Variants in SPNS1 observed in about 807,000 individuals in gnomAD.
SPNS1 encodes protein spinster homolog 1.
SPNS1 carries 22 observed loss-of-function variants against 50.3 expected under a neutral mutation model. The ratio of observed to expected loss-of-function variants is 0.44; its 90% confidence interval spans 0.31 to 0.62. The LOEUF is 0.62. Among genes scored for constraint, SPNS1 ranks in the 20% least tolerant of loss-of-function variants. SPNS1 has a pLI of 0.07. For missense variants in SPNS1, 576 were observed against 728.6 expected (o/e 0.79, Z 2.41); for synonymous variants, 295 against 317.4 (o/e 0.93, Z 0.75).
At chr16:28,976,546 C>T (rs948514027) in intron 2 of SPNS1, among the ~76,000 whole-genome samples, 1 of 152,038 alleles carries the variant, frequency 6.6e-6, no homozygotes, top group African/African-American at 2.4e-5. Context: ...TGTTACTGTT[C>T]CTATTTTATA....
rs1965563156 is a variant in SPNS1 at position 28,981,812 on chromosome 16, C to T, written c.810-89C>T. ...ACCTCTGCACGGTGTTGTGACCTTA[C>T]TAAAATAAGCCAGGAAGGGAGAAGA... On this transcript the variant is annotated intron_variant, in intron 6 of 11. Coordinates refer to ENST00000311008, the MANE Select transcript of SPNS1 (RefSeq NM_032038.3). The surrounding 1 kb of genome is among the most constrained non-coding windows in gnomAD (Gnocchi z 4.2). 3.2e-6 allele frequency: 5 copies of T among 1,566,062 alleles called. No individual in the cohort carries two copies. Among genetic ancestry groups the T allele is most frequent in the Non-Finnish European group, 4.4e-6 (5 of 1,145,846 alleles).
chr16:28,984,528 A>G lies in SPNS1; in HGVS notation c.*229A>G. Reference sequence around the variant, plus strand: ...GGCTCGGTGCTATTTGTAACGGAATAAAATTTGTAGCCAGACCCCAGGTGC... The same window carrying G: ...GGCTCGGTGCTATTTGTAACGGAATGAAATTTGTAGCCAGACCCCAGGTGC... On this transcript the variant is annotated 3_prime_UTR_variant, in exon 12 of 12. Transcript: ENST00000311008. The G allele has an allele frequency of 1.6e-6, 1 of 637,460 alleles. No individual in the cohort carries two copies. The highest frequency in any genetic ancestry group is 2.8e-6 in the Non-Finnish European group (1 of 355,660). The allele number at this position is 637,460 out of a possible 1,614,324, so 39.5% of individuals were successfully genotyped here.
intron 3 of SPNS1, among the ~76,000 whole-genome samples, 163 bp from the exon 4 acceptor site, chr16:28,978,992 G>A (rs553597431): frequency 5.9e-5 from 9 of 152,232 alleles, no homozygotes; most frequent in African/African-American, 9.6e-5. Flanking sequence ...TCCCCAAATC[G>A]CAGCTAGTAA....
chr16:28,984,065 G>A lies in SPNS1; in HGVS notation c.1492+108G>A. ...CAGCTCAGTCCACAGCCCTCCCCTT[G>A]TTTGGCCTCCAGTCTGTCTGCATCC... is the stretch of plus-strand genomic sequence containing the variant. On this transcript the variant is annotated intron_variant, in intron 11 of 11. Transcript: ENST00000311008. 4 of 1,453,234 alleles carry A rather than the reference G, an allele frequency of 2.8e-6. 1 individual carries two copies. In the South Asian group the frequency reaches 5.5e-5, roughly 20 times the overall value. 90.0% of individuals were successfully genotyped at this position (1,453,234 alleles called of 1,614,324 possible).
rs538192669 is a variant in SPNS1, at chr16:28,983,586, C to T, written c.1321-200C>T. ...GCACGATCATGGCTCACTGCAGCCT[C>T]GACCTCCTGGGCTCAAGCGATCCTC... On this transcript the variant is annotated intron_variant, in intron 10 of 11. Transcript: ENST00000311008. The surrounding 1 kb of genome is among the most constrained non-coding windows in gnomAD (Gnocchi z 5.4). Among the ~76,000 whole-genome samples the T allele has an allele frequency of 9.9e-5, 15 of 152,278 alleles. No homozygotes were observed. In the South Asian group the frequency reaches 2.9e-3, roughly 29 times the overall value.
rs748034813 is a variant in SPNS1, at chr16:28,982,504, C to G, written c.1114C>G (p.Leu372Val). 1 of 1,613,094 alleles carries G rather than the reference C, an allele frequency of 6.2e-7. No individual in the cohort carries two copies. Among genetic ancestry groups the G allele is most frequent in the South Asian group, 1.1e-5 (1 of 91,034 alleles). The change falls in exon 8 of 12, where the codon CTG becomes GTG. Residue 372 changes from leucine (L) to valine (V), a missense_variant. Transcript: ENST00000311008. The part of the protein sequence containing the change: ...GLLGSAPFLF[L>V]SLACARGSIV... ...CCTGGGCTCTGCACCCTTCCTCTTC[C>G]TGTCCCTTGCCTGCGCCCGTGGTAG...
At chr16:28,980,855 AAAACAAAC>A (rs145012111) in intron 5 of SPNS1, among the ~76,000 whole-genome samples, 15 of 151,678 alleles carry the variant, frequency 9.9e-5, no homozygotes, top group East Asian at 5.8e-4. Flanking sequence ...CTCTGTCTCG[AAAACAAAC>A]AAACAAACAA....
Position 28,982,409 on chromosome 16 carries a change from G to C in SPNS1, c.1019G>C (p.Gly340Ala). 1 of 1,612,316 alleles carries C rather than the reference G, an allele frequency of 6.2e-7. No individual in the cohort carries two copies. The highest frequency in any genetic ancestry group is 8.5e-7 in the Non-Finnish European group (1 of 1,178,962). Residue 340 changes from glycine (G) to alanine (A), a missense_variant, in exon 8 of 12, where the codon GGT (glycine) becomes GCT (alanine). Around this residue, in one of 3 missense-constraint regions of SPNS1, gnomAD observed 428 missense variants for 520.1 expected, o/e 0.82. Transcript: ENST00000311008. ...ACCGGAGTCCTGGGTGTGGGCCTGG[G>C]TGTGGAGATCAGCCGCCGGCTCCGC... is the stretch of plus-strand genomic sequence containing the variant. ...CLTGVLGVGL[G>A]VEISRRLRHS... is the part of the protein sequence containing the mutation.
At chr16:28,978,738 G>A (rs116113573) in intron 3 of SPNS1, 1,974 of 178,270 alleles carry the variant, frequency 0.011, 42 homozygotes, top group African/African-American at 0.044. Flanking sequence ...CAGGACCTAC[G>A]TACTTTCCTT....
At position 28,983,708 on chromosome 16, in the gene SPNS1, C is replaced by G. The variant is rs1258213841; in HGVS notation, c.1321-78C>G. On this transcript the variant is annotated intron_variant, in intron 10 of 11. Coordinates refer to ENST00000311008, the MANE Select transcript of SPNS1 (RefSeq NM_032038.3). The surrounding 1 kb of genome is among the most constrained non-coding windows in gnomAD (Gnocchi z 5.4). ...TCCTGGGCTCCACTTGTCTTTCTCC[C>G]TGGAGCTCAGGGGCGTGCCCTCCCT... is the stretch of plus-strand genomic sequence containing the variant. 2 of 1,460,892 alleles carry G rather than the reference C, an allele frequency of 1.4e-6. No homozygotes were observed. The highest frequency in any genetic ancestry group is 2.8e-5 in the African/African-American group (2 of 70,712). The allele number at this position is 1,460,892 out of a possible 1,614,324, so 90.5% of individuals were successfully genotyped here. A position where few individuals can be genotyped will look rare whatever the true frequency, so the allele number is the denominator to read the frequency against.
rs1377064702 is a variant in SPNS1 at position 28,982,073 on chromosome 16, A to G, written c.965+17A>G. 6.2e-6 allele frequency: 10 copies of G among 1,610,812 alleles called. No homozygotes were observed. Among genetic ancestry groups the G allele is most frequent in the South Asian group, 2.2e-5 (2 of 90,960 alleles). On this transcript the variant is annotated intron_variant, in intron 7 of 11. Transcript: ENST00000311008. The stretch of plus-strand genomic sequence containing the variant: ...CTCTGACAGGTGCCCAGATGGGGCT[A>G]TGCTGGGGGGCCTGCGGGTGGCAGG...
downstream of SPNS1, chr16:28,984,645 G>A: frequency 3.2e-6 from 2 of 621,616 alleles, no homozygotes; most frequent in South Asian, 3.8e-5. Context: ...TCAGGGCTCT[G>A]GGTGAGTCTC....
At position 28,975,102 on chromosome 16, in the gene SPNS1, T is replaced by TGGGATC; in HGVS notation, c.-48_-43dup. 1 of 1,454,990 alleles carries TGGGATC rather than the reference T, an allele frequency of 6.9e-7. No homozygotes were observed. Among genetic ancestry groups the TGGGATC allele is most frequent in the Non-Finnish European group, 9.0e-7 (1 of 1,108,076 alleles). 90.1% of individuals were successfully genotyped at this position (1,454,990 alleles called of 1,614,324 possible). ...TTCTCCAGCCTCCTCCCCTCGCAGG[T>TGGGATC]GGGATCGTCGGTGGGACCGGAGCGC... is the stretch of plus-strand genomic sequence containing the variant. On this transcript the variant is annotated 5_prime_UTR_variant, in exon 1 of 12. Transcript: ENST00000311008.
chr16:28,983,321 G>A lies in SPNS1; in HGVS notation c.1320+31G>A. 6.3e-7 allele frequency: 1 copy of A among 1,577,822 alleles called. No individual in the cohort carries two copies. The highest frequency in any genetic ancestry group is 1.1e-5 in the South Asian group (1 of 90,280). On this transcript the variant is annotated intron_variant, in intron 10 of 11. Coordinates refer to ENST00000311008, the MANE Select transcript of SPNS1 (RefSeq NM_032038.3). This position sits in a 1 kb window ranked among gnomAD's most constrained non-coding sequence, Gnocchi z 5.4. ...CATTATTTCTTGGCTGGCATGGGGT[G>A]GCTGGTGTCCTGAGCCTGGGCTGGA...
At position 28,981,190 on chromosome 16, in the gene SPNS1, A is replaced by G. The variant is rs1448638299; in HGVS notation, c.664-280A>G. Reference sequence around the variant, plus strand: ...TGGTTAACAGTCCTCTTGTTGGCCAAGCCTGGGATCCTATTTAAACCAAGT... The same window carrying G: ...TGGTTAACAGTCCTCTTGTTGGCCAGGCCTGGGATCCTATTTAAACCAAGT... On this transcript the variant is annotated intron_variant, in intron 5 of 11. Transcript: ENST00000311008. This position sits in a 1 kb window ranked among gnomAD's most constrained non-coding sequence, Gnocchi z 4.2. Among the ~76,000 whole-genome samples the G allele has an allele frequency of 6.6e-6, 1 of 152,182 alleles. No individual in the cohort carries two copies. Among genetic ancestry groups the G allele is most frequent in the Non-Finnish European group, 1.5e-5 (1 of 68,044 alleles).
Position 28,974,868 on chromosome 16 carries a change from GGGGTGGC to G in SPNS1, c.-283_-277del, listed in dbSNP as rs1315037845. On this transcript the variant is annotated 5_prime_UTR_variant, in exon 1 of 12. The change abolishes the stop of an existing upstream ORF in the 5' untranslated region. Transcript: ENST00000311008. ...TGCAGCGGGCTCCTACCCCGGGTGA[GGGGTGGC>G]CTCCGCGTGGGATCGTGCCCTCTTC... 7.8e-6 allele frequency: 12 copies of G among 1,535,126 alleles called. No individual in the cohort carries two copies. The East Asian group carries it at 2.9e-4, about 37-fold the overall frequency.
intron 2 of SPNS1, among the ~76,000 whole-genome samples, chr16:28,976,786 T>C (rs1382887952): frequency 1.3e-5 from 2 of 151,862 alleles, no homozygotes; most frequent in East Asian, 1.9e-4. Context: ...CTCTGAAGAG[T>C]TGTTGAGTTA....
At position 28,979,218 on chromosome 16, in the gene SPNS1, A is replaced by G; in HGVS notation, c.508A>G (p.Ile170Val). The change falls in exon 4 of 12, where the codon ATC (isoleucine) becomes GTC (valine). Residue 170 changes from isoleucine (I) to valine (V), a missense_variant. By Grantham distance (29) the Ile-to-Val change is conservative (BLOSUM62 3). Coordinates refer to ENST00000311008, the MANE Select transcript of SPNS1 (RefSeq NM_032038.3). The part of the protein sequence containing the change: ...VGVGEASYST[I>V]APTLIADLFV... ...GGTCGGGGAGGCCAGTTATTCCACCATCGCGCCCACTCTCATTGCCGACCT... is the reference window on the plus strand; with the variant it reads ...GGTCGGGGAGGCCAGTTATTCCACCGTCGCGCCCACTCTCATTGCCGACCT... 1 of 1,614,028 alleles carries G rather than the reference A, an allele frequency of 6.2e-7. No individual in the cohort carries two copies. Among genetic ancestry groups the G allele is most frequent in the Non-Finnish European group, 8.5e-7 (1 of 1,180,006 alleles).
chr16:28,980,010 G>A (rs537697078), intron 5 of SPNS1: 313 of 138,866 alleles, frequency 2.3e-3, no homozygotes, highest in Non-Finnish European at 3.6e-3. Flanking sequence ...GCGACAGTGC[G>A]AGACTCCTTC....
Sources: allele counts gnomAD v4.1 joint callset (sites outside exome capture counted in the v4.1 genomes callset), GRCh38; gene constraint gnomAD v4.1.1; regional missense constraint gnomAD v4.1.1; non-coding constraint Gnocchi (gnomAD v3.1); transcripts MANE v1.5; gene names NCBI Gene and HGNC (gene_info 2026-07-23, HGNC 2026-07-21).